The following PLCH2 variants were observed in gnomAD, a reference collection of about 807,000 sequenced individuals.
PLCH2 encodes phospholipase C eta 2, also known as 1-phosphatidylinositol 4,5-bisphosphate phosphodiesterase eta-2.
A neutral mutation model predicts 134.7 loss-of-function variants in PLCH2; 98 were observed. The observed-to-expected ratio is 0.73, with a 90% CI of 0.62 to 0.86. The LOEUF is 0.86. Among genes scored for constraint, PLCH2 ranks in the 40% least tolerant of loss-of-function variants. PLCH2 has a pLI of 0.00. For synonymous variants in PLCH2, 974 were observed against 827.5 expected, an observed-to-expected ratio of 1.18 and a Z score of -3.04; for missense variants, 1,994 against 1,986.6, an observed-to-expected ratio of 1.00 and a Z score of -0.07.
Position 2,504,841 on chromosome 1 carries a change from G to A in PLCH2, c.3879G>A (p.Gly1293=), listed in dbSNP as rs765564361. Residue 1293 remains glycine (G), a synonymous_variant, in exon 22 of 22, where the codon GGG becomes GGA. Coordinates refer to ENST00000378486, the MANE Select transcript of PLCH2 (RefSeq NM_014638.4). ...GGACACGGCGGGTGTCGGGGCCAGG[G>A]GTGAGACGGGACACCCTGACAGAGC... ...PGGTRRVSGP[G]VRRDTLTEQL... is the part of the protein sequence containing the mutation. 2.5e-6 allele frequency: 4 copies of A among 1,605,934 alleles called. No individual in the cohort carries two copies. The highest frequency in any genetic ancestry group is 2.2e-5 in the East Asian group (1 of 44,652).
At chr1:2,438,800 G>T (rs1639554037) in intron 2 of PLCH2, among the ~76,000 whole-genome samples, 1 of 152,224 alleles carries the variant, frequency 6.6e-6, no homozygotes, top group Admixed American at 6.5e-5. Flanking sequence ...CACCCTCCCT[G>T]TGTGCCAGAA....
chr1:2,455,696 C>A (rs1228689151), intron 2 of PLCH2, among the ~76,000 whole-genome samples: 1 of 152,180 alleles, frequency 6.6e-6, no homozygotes, highest in African/African-American at 2.4e-5. Context: ...AGGGCCTTTG[C>A]TGCAGATGGA....
exon 1 of PLCH2, chr1:2,467,465 CGGGCGCGGCAGGG>C: frequency 2.5e-6 from 1 of 392,814 alleles, no homozygotes; most frequent in Non-Finnish European, 4.5e-6. Flanking sequence ...TCCTCACGGG[CGGGCGCGGCAGGG>C]CAGCGTGTGG....
rs372961379 is a variant in PLCH2 at position 2,442,747 on chromosome 1, G to T, written c.115+12118G>T. Among the ~76,000 whole-genome samples, 4 of 152,326 alleles carry T rather than the reference G, an allele frequency of 2.6e-5. No homozygotes were observed. The East Asian group carries it at 5.8e-4, about 22-fold the overall frequency. Reference sequence around the variant, plus strand: ...GGCTGGCCTTGTGGGTAAGCTGGGGGCTCTGAGTGCAGGAGCCCTTCTTGT... The same window carrying T: ...GGCTGGCCTTGTGGGTAAGCTGGGGTCTCTGAGTGCAGGAGCCCTTCTTGT... On this transcript the variant is annotated intron_variant, in intron 2 of 3. Transcript: ENST00000609981.
At position 2,503,003 on chromosome 1, in the gene PLCH2, C is replaced by T. The variant is rs767081145; in HGVS notation, c.2959+594C>T. The T allele has an allele frequency of 8.1e-5, 58 of 713,434 alleles. 2 individuals are homozygous for T. The highest frequency in any genetic ancestry group is 6.4e-4 in the South Asian group (43 of 67,022). 44.2% of individuals were successfully genotyped at this position (713,434 alleles called of 1,614,324 possible). On this transcript the variant is annotated intron_variant, in intron 21 of 21. Coordinates refer to ENST00000378486, the MANE Select transcript of PLCH2 (RefSeq NM_014638.4). ...TGCTGCTTCTGCGTGGACGGTGTCG[C>T]CTCGTGTGCTCGTGCTCGTGGCTCT... is the stretch of plus-strand genomic sequence containing the variant.
At chr1:2,500,501 C>T (rs1427209046) in intron 20 of PLCH2, 1 of 152,472 alleles carries the variant, frequency 6.6e-6, no homozygotes, top group Non-Finnish European at 1.5e-5. Context: ...TTTGGTCTTG[C>T]AGTCGGCTTC....
Position 2,497,578 on chromosome 1 carries a change from C to A in PLCH2, c.2193C>A (p.Gly731=). The A allele has an allele frequency of 6.4e-7, 1 of 1,562,796 alleles. No homozygotes were observed. Among genetic ancestry groups the A allele is most frequent in the Non-Finnish European group, 8.7e-7 (1 of 1,154,112 alleles). The part of the protein sequence containing the change: ...RAKFSANGGC[G]YVLKPGCMCQ... Reference sequence around the variant, plus strand: ...AGTTCAGCGCCAACGGTGGCTGCGGCTACGTACTCAAGCCTGGGTGCATGT... The same window carrying A: ...AGTTCAGCGCCAACGGTGGCTGCGGATACGTACTCAAGCCTGGGTGCATGT... The change falls in exon 16 of 22, where the codon GGC becomes GGA. Residue 731 remains glycine (G), a synonymous_variant. Transcript: ENST00000378486.
intron 2 of PLCH2, among the ~76,000 whole-genome samples, chr1:2,434,982 G>C (rs200338293): frequency 7.9e-5 from 12 of 152,082 alleles, no homozygotes; most frequent in African/African-American, 2.7e-4. Context: ...TCTCAGGGGG[G>C]ATTTGTTCTG....
At position 2,504,383 on chromosome 1, in the gene PLCH2, GAC is replaced by G. The variant is rs1253092256; in HGVS notation, c.3423_3424del (p.Asp1141GlufsTer16). 2 of 1,612,050 alleles carry G rather than the reference GAC, an allele frequency of 1.2e-6. No homozygotes were observed. Among genetic ancestry groups the G allele is most frequent in the East Asian group, 4.5e-5 (2 of 44,878 alleles). On this transcript the variant is annotated frameshift_variant, in exon 22 of 22. Transcript: ENST00000378486. LOFTEE classifies it high-confidence loss of function. ...WQRLEPCGHR[D>X]SVSSSSSMSS... is the part of the protein sequence containing the mutation. ...GCGGCTGGAGCCATGTGGCCACCGA[GAC>G]AGCGTTTCCTCCTCCTCCAGCATGT...
At chr1:2,492,571 C>A (rs1222725732) in intron 11 of PLCH2, 1 of 152,264 alleles carries the variant, frequency 6.6e-6, no homozygotes, top group Non-Finnish European at 1.5e-5. Flanking sequence ...GAGCGGGAAT[C>A]CCCCCTGATG....
intron 2 of PLCH2, among the ~76,000 whole-genome samples, chr1:2,461,490 G>C (rs1469994351): frequency 2.0e-5 from 3 of 152,180 alleles, no homozygotes; most frequent in African/African-American, 7.2e-5. Flanking sequence ...GGATGTGTGG[G>C]TCCTGCTGAG....
rs1643476394 is a variant in PLCH2 at position 2,505,144 on chromosome 1, A to G, written c.4182A>G (p.Pro1394=). 1 of 1,560,918 alleles carries G rather than the reference A, an allele frequency of 6.4e-7. No homozygotes were observed. Among genetic ancestry groups the G allele is most frequent in the Non-Finnish European group, 8.6e-7 (1 of 1,162,984 alleles). The change falls in exon 22 of 22, where the codon CCA becomes CCG. Residue 1394 remains proline, a synonymous_variant. Coordinates refer to ENST00000378486, the MANE Select transcript of PLCH2 (RefSeq NM_014638.4). ...SVGHEGSVDA[P]APSKGALGPA... is the part of the protein sequence containing the mutation. ...GCCACGAGGGCAGTGTGGATGCACC[A>G]GCACCCTCCAAGGGAGCCCTCGGGC...
chr1:2,501,025 A>C (rs2477708), intron 20 of PLCH2: 50,124 of 150,808 alleles, frequency 0.33, 9,765 homozygotes, highest in African/African-American at 0.53. Context: ...ATGCCAGTGC[A>C]TGGGATGAGG....
At chr1:2,417,801 A>G in the PLCH2 span, among the ~76,000 whole-genome samples, 1 of 152,292 alleles carries the variant, frequency 6.6e-6, no homozygotes, top group African/African-American at 2.4e-5. Context: ...GGGGACGGGC[A>G]GGGGCTACAG....
intron 2 of PLCH2, among the ~76,000 whole-genome samples, chr1:2,449,581 G>T (rs957535428): frequency 6.6e-6 from 1 of 152,238 alleles, no homozygotes; most frequent in Non-Finnish European, 1.5e-5. Flanking sequence ...GTGGTGTCAG[G>T]TGAGGTGGGG....
intron 2 of PLCH2, among the ~76,000 whole-genome samples, chr1:2,438,864 C>T (rs143055537): frequency 6.6e-5 from 10 of 152,302 alleles, no homozygotes; most frequent in East Asian, 5.8e-4. Flanking sequence ...CTTCAGGGGG[C>T]GCAGCGTGTG....
chr1:2,444,787 C>T lies in PLCH2; in HGVS notation c.115+14158C>T. 6.6e-6 allele frequency among the ~76,000 whole-genome samples: 1 copy of T among 152,042 alleles called. No individual in the cohort carries two copies. ...GCCCTTCCCCCATGGCCTTCTCCCT[C>T]CAGGAGAATGGACCCGATCGGTGTC... On this transcript the variant is annotated intron_variant, in intron 2 of 3. Transcript: ENST00000609981. This position sits in a 1 kb window ranked among gnomAD's most constrained non-coding sequence, Gnocchi z 4.6.
Position 2,480,244 on chromosome 1 carries a change from G to A in PLCH2, c.577G>A (p.Glu193Lys), listed in dbSNP as rs745634767. The change falls in exon 4 of 22, where the codon GAG (glutamate) becomes AAG (lysine). Residue 193 changes from glutamate (E) to lysine (K), a missense_variant. By Grantham distance (56) the Glu-to-Lys change is moderately conservative. This residue lies in a region of PLCH2 where 1,094 missense variants were observed against 1,234.3 expected (regional missense o/e 0.89). Transcript: ENST00000378486. ...KNGDGSLSIG[E>K]VLQLLHKLNV... ...CGGGGATGGCAGCCTGAGCATTGGC[G>A]AGGTCCTGCAGCTGCTGCACAAGCT... 3.7e-6 allele frequency: 6 copies of A among 1,612,816 alleles called. No individual in the cohort carries two copies. The highest frequency in any genetic ancestry group is 1.3e-5 in the African/African-American group (1 of 75,066).
intron 2 of PLCH2, among the ~76,000 whole-genome samples, chr1:2,434,597 C>G (rs1431842674): frequency 2.0e-5 from 3 of 152,232 alleles, no homozygotes; most frequent in East Asian, 3.8e-4. Flanking sequence ...ACCCTGGACA[C>G]TGGGCCGTGG....
Sources: allele counts gnomAD v4.1 joint callset (sites outside exome capture counted in the v4.1 genomes callset), GRCh38; gene constraint gnomAD v4.1.1; regional missense constraint gnomAD v4.1.1; non-coding constraint Gnocchi (gnomAD v3.1); transcripts MANE v1.5; gene names NCBI Gene and HGNC (gene_info 2026-07-23, HGNC 2026-07-21).